RNF4: variants seen among roughly 807,000 people sequenced by gnomAD.
RNF4 encodes ring finger protein 4, also known as E3 ubiquitin-protein ligase RNF4.
RNF4 carries 7 observed loss-of-function variants against 24.3 expected under a neutral mutation model. The observed-to-expected ratio is 0.29, with a 90% CI of 0.16 to 0.54. The LOEUF (loss-of-function observed/expected upper bound fraction) is 0.54. Among genes scored for constraint, RNF4 ranks in the 20% least tolerant of loss-of-function variants. RNF4 has a pLI of 0.95. For synonymous variants in RNF4, 83 were observed against 84.3 expected (o/e 0.98, Z 0.09); for missense variants, 209 against 248.5 (o/e 0.84, Z 1.07).
chr4:2,480,583 G>GA (rs113417443), intron 1 of RNF4: 1,576 of 145,830 alleles, frequency 0.011, 24 homozygotes, highest in African/African-American at 0.03. Flanking sequence ...TTTCAGTGAG[G>GA]AAAAAAAAAA....
At chr4:2,469,750 G>C (rs1223138486) in intron 1 of RNF4, 4 of 152,290 alleles carry the variant, frequency 2.6e-5, no homozygotes, top group Admixed American at 2.0e-4. Flanking sequence ...GGGAGGATCT[G>C]AGTACGGGTG....
intron 4 of RNF4, among the ~76,000 whole-genome samples, chr4:2,506,917 G>A (rs866565434): frequency 2.6e-5 from 4 of 152,086 alleles, no homozygotes; most frequent in African/African-American, 9.7e-5. Flanking sequence ...CTCTGCTCTG[G>A]CTAGAAGCAA....
At chr4:2,482,108 A>C (rs1735261757) in intron 1 of RNF4, among the ~76,000 whole-genome samples, 1 of 152,172 alleles carries the variant, frequency 6.6e-6, no homozygotes, top group African/African-American at 2.4e-5. Context: ...TCTGACTAAG[A>C]GTAGAAGAAC....
chr4:2,488,214 G>T (rs1735471598), intron 1 of RNF4, among the ~76,000 whole-genome samples: 1 of 152,210 alleles, frequency 6.6e-6, no homozygotes, highest in Non-Finnish European at 1.5e-5. Context: ...TGTAATCCCA[G>T]CACTTTGGGA....
intron 1 of RNF4, among the ~76,000 whole-genome samples, chr4:2,482,797 C>G (rs1218037812): frequency 6.6e-6 from 1 of 152,180 alleles, no homozygotes; most frequent in Non-Finnish European, 1.5e-5. Context: ...TCAGGGGAGG[C>G]CAATGTTCAA....
At position 2,513,792 on chromosome 4, in the gene RNF4, C is replaced by A. The variant is rs748304698; in HGVS notation, c.546C>A (p.His182Gln). 203 of 1,613,890 alleles carry A rather than the reference C, an allele frequency of 1.3e-4. No homozygotes were observed. Among genetic ancestry groups the A allele is most frequent in the Non-Finnish European group, 4.2e-6 (5 of 1,179,912 alleles). The stretch of plus-strand genomic sequence containing the variant: ...CAACTTGTAGGAAAAAGATCAACCA[C>A]AAACGGTACCACCCCATTTATATAT... ...TCPTCRKKIN[H>Q]KRYHPIYI Residue 182 changes from histidine (H) to glutamine (Q), a missense_variant, in exon 8 of 8, where the codon CAC becomes CAA. Transcript: ENST00000314289.
intron 4 of RNF4, among the ~76,000 whole-genome samples, chr4:2,509,016 T>G (rs1199627771): frequency 2.1e-5 from 3 of 145,630 alleles, no homozygotes; most frequent in African/African-American, 7.6e-5. Context: ...CCTCCCGGGC[T>G]CAAGTGATTC....
intron 4 of RNF4, among the ~76,000 whole-genome samples, chr4:2,504,428 A>T (rs1257537398): frequency 2.6e-5 from 4 of 151,846 alleles, no homozygotes; most frequent in Admixed American, 2.6e-4. Context: ...TGTGGTTTTA[A>T]TTTGTGCTTT....
chr4:2,477,685 C>CTT, intron 1 of RNF4, among the ~76,000 whole-genome samples: 1 of 152,194 alleles, frequency 6.6e-6, no homozygotes, highest in Non-Finnish European at 1.5e-5. Context: ...CTTGCTTCTC[C>CTT]TTGCCTTCCG....
At chr4:2,489,991 C>G (rs941793562) in intron 1 of RNF4, 2 of 155,196 alleles carry the variant, frequency 1.3e-5, no homozygotes, top group African/African-American at 4.8e-5. Flanking sequence ...GCCTCAGAAG[C>G]TCTGTCCCTT....
In RNF4 at chr4:2,513,750, G is replaced by A; in HGVS notation, c.504G>A (p.Lys168=). ...GCCAGTGCCTCCGTGATTCCCTGAAGAATGCTAATACTTGCCCAACTTGTA... is the reference window on the plus strand; with the variant it reads ...GCCAGTGCCTCCGTGATTCCCTGAAAAATGCTAATACTTGCCCAACTTGTA... ...FCSQCLRDSL[K]NANTCPTCRK... The change falls in exon 8 of 8, where the codon AAG becomes AAA. Residue 168 remains lysine (K), a synonymous_variant. Coordinates refer to ENST00000314289, the MANE Select transcript of RNF4 (RefSeq NM_002938.5). 3.1e-6 allele frequency: 5 copies of A among 1,613,978 alleles called. No individual in the cohort carries two copies. The highest frequency in any genetic ancestry group is 4.2e-6 in the Non-Finnish European group (5 of 1,179,900).
chr4:2,510,826 G>C (rs1030910882), intron 4 of RNF4, among the ~76,000 whole-genome samples: 4 of 152,174 alleles, frequency 2.6e-5, no homozygotes, highest in African/African-American at 9.7e-5. Flanking sequence ...CCAGAAGGTG[G>C]GAGGAACCAC....
At chr4:2,484,481 C>G (rs1415120912) in intron 1 of RNF4, among the ~76,000 whole-genome samples, 1 of 152,058 alleles carries the variant, frequency 6.6e-6, no homozygotes, top group Non-Finnish European at 1.5e-5. Context: ...CGGACAGTCC[C>G]TGACTTACAG....
chr4:2,490,929 C>T (rs1332575337), intron 2 of RNF4: 1 of 157,410 alleles, frequency 6.4e-6, no homozygotes, highest in African/African-American at 2.4e-5. Flanking sequence ...TCTCTACAAA[C>T]AAACAAAATG....
At chr4:2,513,175 CTT>C in intron 7 of RNF4, 44 bp downstream of exon 7, 1 of 1,571,086 alleles carries the variant, frequency 6.4e-7, no homozygotes, top group Non-Finnish European at 8.8e-7. Flanking sequence ...GGTTTCTAAA[CTT>C]CACTGAAAGA....
rs903359151 is a variant in RNF4 at position 2,477,360 on chromosome 4, G to A, written c.-158+8102G>A. 3.9e-5 allele frequency among the ~76,000 whole-genome samples: 6 copies of A among 152,088 alleles called. No homozygotes were observed. In the East Asian group the frequency reaches 1.2e-3, roughly 30 times the overall value. The stretch of plus-strand genomic sequence containing the variant: ...CCAGCACTTTGGGAGGCCAAGGCGG[G>A]CGGATCACGAGGTTAGGAGTTCAAG... On this transcript the variant is annotated intron_variant, in intron 1 of 7. Transcript: ENST00000314289.
Position 2,513,800 on chromosome 4 carries a change from A to G in RNF4, c.554A>G (p.Tyr185Cys). Residue 185 changes from tyrosine to cysteine, a missense_variant, in exon 8 of 8, where the codon TAC becomes TGC. Physicochemically the swap from Tyr to Cys is radical, Grantham distance 194. Around this residue, in one of 3 missense-constraint regions of RNF4, gnomAD observed 17 missense variants for 16.2 expected, o/e 1.05. Transcript: ENST00000314289. Reference sequence around the variant, plus strand: ...AGGAAAAAGATCAACCACAAACGGTACCACCCCATTTATATATGAAGTATT... The same window carrying G: ...AGGAAAAAGATCAACCACAAACGGTGCCACCCCATTTATATATGAAGTATT... The part of the protein sequence containing the change: ...TCRKKINHKR[Y>C]HPIYI The G allele has an allele frequency of 6.2e-7, 1 of 1,613,980 alleles. No homozygotes were observed. Among genetic ancestry groups the G allele is most frequent in the Non-Finnish European group, 8.5e-7 (1 of 1,179,902 alleles).
At chr4:2,474,656 C>T (rs1462075579) in intron 1 of RNF4, among the ~76,000 whole-genome samples, 1 of 152,208 alleles carries the variant, frequency 6.6e-6, no homozygotes, top group African/African-American at 2.4e-5. Flanking sequence ...AATGCTGTCA[C>T]ACAGCATTGC....
chr4:2,513,615 TG>T, intron 7 of RNF4, 54 bp from the exon 8 acceptor site: 2 of 1,605,720 alleles, frequency 1.2e-6, no homozygotes, highest in Non-Finnish European at 1.7e-6. Flanking sequence ...TCTGGCCCCA[TG>T]GCTGCTCTGG....
Sources: gnomAD v4.1 joint callset for allele counts (sites outside exome capture counted in the v4.1 genomes callset) on GRCh38, gnomAD v4.1.1 for gene constraint, gnomAD v4.1.1 regional missense constraint, MANE v1.5 for transcripts, NCBI Gene and HGNC (gene_info 2026-07-23, HGNC 2026-07-21) for gene names.